PLCB1: variants seen among roughly 807,000 people sequenced by gnomAD.
PLCB1 encodes the protein phospholipase C beta 1, also known as 1-phosphatidylinositol 4,5-bisphosphate phosphodiesterase beta-1.
In PLCB1, 46 loss-of-function variants were observed where a neutral mutation model predicts 161.8. The ratio of observed to expected loss-of-function variants is 0.28; its 90% confidence interval spans 0.22 to 0.36. PLCB1 has a LOEUF of 0.36. PLCB1 is among the 10% of genes least tolerant of loss of function. PLCB1 has a pLI of 1.00. For missense variants in PLCB1, 1,016 were observed against 1,472.5 expected (o/e 0.69, Z 5.07); for synonymous variants, 517 against 503.7 (o/e 1.03, Z -0.35).
chr20:8,841,122 G>C (rs1300874349), intron 31 of PLCB1, among the ~76,000 whole-genome samples: 1 of 152,136 alleles, frequency 6.6e-6, no homozygotes, highest in African/African-American at 2.4e-5. Flanking sequence ...ATAGCTGTGA[G>C]CCACTGCACC....
chr20:8,221,386 A>G (rs1457481092), intron 2 of PLCB1, among the ~76,000 whole-genome samples: 1 of 152,122 alleles, frequency 6.6e-6, no homozygotes, highest in East Asian at 1.9e-4. Context: ...TTTTTTTTAT[A>G]TATCTTTTAA....
chr20:8,175,731 G>C (rs2051775835), intron 2 of PLCB1, among the ~76,000 whole-genome samples: 1 of 152,030 alleles, frequency 6.6e-6, no homozygotes, highest in Non-Finnish European at 1.5e-5. Context: ...GCTACAGACT[G>C]AGAGAAAGTG....
chr20:8,795,738 G>A (rs1983988397), intron 31 of PLCB1, among the ~76,000 whole-genome samples: 1 of 152,032 alleles, frequency 6.6e-6, no homozygotes, highest in Admixed American at 6.5e-5. Flanking sequence ...AGCCAGGTGT[G>A]GTGGTGGGCG....
At chr20:8,462,102 A>G (rs572137440) in intron 3 of PLCB1, among the ~76,000 whole-genome samples, 3 of 152,188 alleles carry the variant, frequency 2.0e-5, no homozygotes, top group African/African-American at 7.2e-5. Flanking sequence ...ATGTATTTAC[A>G]CACACACATA....
At chr20:8,823,440 C>A (rs11905647) in intron 31 of PLCB1, among the ~76,000 whole-genome samples, 1 of 152,132 alleles carries the variant, frequency 6.6e-6, no homozygotes, top group East Asian at 1.9e-4. Context: ...CCACCCCTGC[C>A]TGCACCACTT....
chr20:8,190,176 T>C (rs2051951944), intron 2 of PLCB1, among the ~76,000 whole-genome samples: 1 of 152,112 alleles, frequency 6.6e-6, no homozygotes, highest in African/African-American at 2.4e-5. Flanking sequence ...ACCAGTGTAC[T>C]GCAGAAGTAT....
At chr20:8,181,080 G>A (rs781528335) in intron 2 of PLCB1, among the ~76,000 whole-genome samples, 6 of 151,398 alleles carry the variant, frequency 4.0e-5, no homozygotes, top group East Asian at 1.9e-4. Flanking sequence ...GCGAAACCCC[G>A]TCTCTACTAA....
At chr20:8,660,332 G>A (rs1489325480) in intron 9 of PLCB1, among the ~76,000 whole-genome samples, 1 of 152,088 alleles carries the variant, frequency 6.6e-6, no homozygotes, top group Non-Finnish European at 1.5e-5. Context: ...TTTTGCCCAT[G>A]TAGCTTAGGA....
chr20:8,256,184 G>T (rs1260387510), intron 2 of PLCB1, among the ~76,000 whole-genome samples: 1 of 152,116 alleles, frequency 6.6e-6, no homozygotes, highest in Non-Finnish European at 1.5e-5. Context: ...AATAGAGACT[G>T]TATCTGTTAA....
At chr20:8,697,845 G>C (rs889169592) in intron 11 of PLCB1, 62 bp downstream of exon 11, 1 of 1,493,072 alleles carries the variant, frequency 6.7e-7, no homozygotes, top group African/African-American at 1.4e-5. Flanking sequence ...TTTGGTTAAA[G>C]CCTCCTAAGG....
chr20:8,815,656 C>G (rs1985051502), intron 31 of PLCB1, among the ~76,000 whole-genome samples: 1 of 152,132 alleles, frequency 6.6e-6, no homozygotes, highest in African/African-American at 2.4e-5. Context: ...CTTTGTACTC[C>G]CGACCTCAAA....
At chr20:8,484,505 C>A (rs998437203) in intron 3 of PLCB1, among the ~76,000 whole-genome samples, 2 of 151,550 alleles carry the variant, frequency 1.3e-5, no homozygotes, top group Non-Finnish European at 2.9e-5. Context: ...GGACTACAGG[C>A]GCCCCCTCAC....
chr20:8,448,524 G>A (rs932486991), intron 3 of PLCB1, among the ~76,000 whole-genome samples: 3 of 152,202 alleles, frequency 2.0e-5, no homozygotes, highest in African/African-American at 7.2e-5. Flanking sequence ...GGGCGCCACT[G>A]AAGACAAATA....
chr20:8,507,054 T>C (rs1983664572), intron 3 of PLCB1, among the ~76,000 whole-genome samples: 1 of 152,198 alleles, frequency 6.6e-6, no homozygotes, highest in South Asian at 2.1e-4. Context: ...ATATTTTGTA[T>C]GCTATGTATT....
At chr20:8,276,665 A>G (rs543629583) in intron 2 of PLCB1, among the ~76,000 whole-genome samples, 1 of 152,194 alleles carries the variant, frequency 6.6e-6, no homozygotes, top group South Asian at 2.1e-4. Flanking sequence ...TTTCCAAAAT[A>G]TGTTGTTTTG....
chr20:8,557,015 A>T (rs865969815), intron 3 of PLCB1, among the ~76,000 whole-genome samples: 55 of 124,200 alleles, frequency 4.4e-4, no homozygotes, highest in Middle Eastern at 3.9e-3. Context: ...AATAAATAAA[A>T]TAAATAAAAA....
chr20:8,611,045 G>A (rs1243160381), intron 3 of PLCB1, among the ~76,000 whole-genome samples: 2 of 151,670 alleles, frequency 1.3e-5, no homozygotes, highest in Non-Finnish European at 2.9e-5. Context: ...GGTTTTCTAG[G>A]AAAATCAACC....
chr20:8,557,402 G>A (rs1985999452), intron 3 of PLCB1, among the ~76,000 whole-genome samples: 1 of 152,020 alleles, frequency 6.6e-6, no homozygotes, highest in African/African-American at 2.4e-5. Context: ...GTTAGAACAT[G>A]GATAAATCTT....
At chr20:8,253,824 A>C (rs141754484) in intron 2 of PLCB1, among the ~76,000 whole-genome samples, 152 of 151,950 alleles carry the variant, frequency 1.0e-3, no homozygotes, top group African/African-American at 3.5e-3. Context: ...CTTTGTGTTC[A>C]CCAGTATCCA....
Sources: gnomAD v4.1 joint callset for allele counts (sites outside exome capture counted in the v4.1 genomes callset) on GRCh38, gnomAD v4.1.1 for gene constraint, MANE v1.5 for transcripts, NCBI Gene and HGNC (gene_info 2026-07-23, HGNC 2026-07-21) for gene names.